The following PCNX1 variants were observed in gnomAD, a reference collection of about 807,000 sequenced individuals.
The protein encoded by PCNX1 is pecanex-like protein 1.
Under a neutral mutation model 242.2 loss-of-function variants are expected in PCNX1, and 78 were observed. The observed-to-expected ratio is 0.32, with a 90% CI of 0.27 to 0.39. The LOEUF (loss-of-function observed/expected upper bound fraction) is 0.39, where lower values mean the gene tolerates loss of function less well. Ranked by LOEUF, PCNX1 falls within the 10% of genes least tolerant of loss-of-function variation. PCNX1 has a pLI of 1.00. For missense variants in PCNX1, 2,581 were observed against 2,856.5 expected (o/e 0.90, Z 2.20); for synonymous variants, 1,024 against 1,032.9 (o/e 0.99, Z 0.17).
At chr14:70,994,487 AGTTT>A (rs1388905996) in intron 7 of PCNX1, among the ~76,000 whole-genome samples, 1 of 145,008 alleles carries the variant, frequency 6.9e-6, no homozygotes, top group Non-Finnish European at 1.5e-5. Context: ...GCAATACATG[AGTTT>A]GTTTTATGTG....
chr14:70,932,469 A>G (rs2056839211), intron 1 of PCNX1, among the ~76,000 whole-genome samples: 1 of 152,080 alleles, frequency 6.6e-6, no homozygotes, highest in African/African-American at 2.4e-5. Context: ...CACAGGCTTC[A>G]TGTTTGTATC....
chr14:70,912,647 T>G (rs1378076844), intron 1 of PCNX1, among the ~76,000 whole-genome samples: 1 of 151,992 alleles, frequency 6.6e-6, no homozygotes, highest in African/African-American at 2.4e-5. Context: ...GAGCAAATCT[T>G]ACCACTTTCT....
At chr14:71,068,335 A>T (rs1426189113) in intron 26 of PCNX1, among the ~76,000 whole-genome samples, 3 of 151,336 alleles carry the variant, frequency 2.0e-5, no homozygotes, top group East Asian at 1.9e-4. Flanking sequence ...CATCTCAAAA[A>T]ATATATATAT....
At chr14:71,103,782 T>C in intron 32 of PCNX1, 113 bp downstream of exon 32, 1 of 836,622 alleles carries the variant, frequency 1.2e-6, no homozygotes, top group South Asian at 1.7e-5. Flanking sequence ...CATGGTACAA[T>C]ATGAACCCAT....
chr14:70,926,013 C>T lies in PCNX1; in HGVS notation c.153+18010C>T, dbSNP rs562742782. On this transcript the variant is annotated intron_variant, in intron 1 of 35. Coordinates refer to ENST00000304743, the MANE Select transcript of PCNX1 (RefSeq NM_014982.3). ...TCTCCTGATCTTTTTCAGTGTATTC[C>T]GGGATCCAAAACTCAGAGCTGTCCT... 6.6e-5 allele frequency among the ~76,000 whole-genome samples: 10 copies of T among 152,210 alleles called. 1 individual carries two copies. In the East Asian group the frequency reaches 9.6e-4, roughly 15 times the overall value.
At chr14:70,962,075 G>C in intron 2 of PCNX1, 151 bp from the exon 3 acceptor site, 1 of 589,002 alleles carries the variant, frequency 1.7e-6, no homozygotes, top group Non-Finnish European at 3.0e-6. Context: ...AATGAAGAAT[G>C]ATCGTTGTTT....
In PCNX1 at chr14:70,978,112, A is replaced by G. The variant is rs2058735211; in HGVS notation, c.1775A>G (p.His592Arg). 3 of 1,614,180 alleles carry G rather than the reference A, an allele frequency of 1.9e-6. No individual in the cohort carries two copies. The highest frequency in any genetic ancestry group is 1.6e-4 in the Middle Eastern group (1 of 6,062). ...CFRGVSGTKP[H>R]SAIFCHDEDS... ...CGAGGTGTTTCTGGTACCAAGCCAC[A>G]CAGTGCTATATTTTGTCATGACGAA... Residue 592 changes from histidine to arginine, a missense_variant, in exon 6 of 36, where the codon CAC becomes CGC. By Grantham distance (29) the His-to-Arg change is conservative. Around this residue, in one of 9 missense-constraint regions of PCNX1, gnomAD observed 1,204 missense variants for 1,216.7 expected, o/e 0.99. Coordinates refer to ENST00000304743, the MANE Select transcript of PCNX1 (RefSeq NM_014982.3).
chr14:71,103,517 A>G lies in PCNX1; in HGVS notation c.5943A>G (p.Ile1981Met). 1 of 1,614,208 alleles carries G rather than the reference A, an allele frequency of 6.2e-7. No homozygotes were observed. Among genetic ancestry groups the G allele is most frequent in the Non-Finnish European group, 8.5e-7 (1 of 1,180,018 alleles). Residue 1981 changes from isoleucine (I) to methionine (M), a missense_variant, in exon 32 of 36, where the codon ATA becomes ATG. This residue lies in a region of PCNX1 where 298 missense variants were observed against 480.1 expected (regional missense o/e 0.62). Transcript: ENST00000304743. Reference protein sequence around the residue: ...QNAKQALRNMINSSCDQPIGY... With the variant: ...QNAKQALRNMMNSSCDQPIGY... ...CAAAGCAAGCCCTGAGAAACATGAT[A>G]AACTCATCTTGTGATCAACCTATTG...
At chr14:70,949,282 T>TACACACACGTGTATGCACACGTGTATAC (rs1555345924) in intron 2 of PCNX1, among the ~76,000 whole-genome samples, 2 of 48,268 alleles carry the variant, frequency 4.1e-5, no homozygotes, top group Admixed American at 1.6e-4. Context: ...CACACGTGTA[T>TACACACACGTGTATGCACACGTGTATAC]ACACACACGT....
chr14:71,086,651 T>C (rs771878072), intron 28 of PCNX1, among the ~76,000 whole-genome samples: 5 of 152,232 alleles, frequency 3.3e-5, no homozygotes, highest in Non-Finnish European at 7.3e-5. Context: ...TTTCTCAGCC[T>C]AGGGTCCTCT....
chr14:71,015,120 A>G (rs748333935), intron 11 of PCNX1, among the ~76,000 whole-genome samples: 7 of 152,176 alleles, frequency 4.6e-5, no homozygotes, highest in Non-Finnish European at 7.3e-5. Context: ...TTAAAAACCA[A>G]AGTGAAATAA....
In PCNX1 at chr14:71,047,118, G is replaced by C. The variant is rs1407541495; in HGVS notation, c.4160+13G>C. 1 of 1,522,452 alleles carries C rather than the reference G, an allele frequency of 6.6e-7. No individual in the cohort carries two copies. The allele number at this position is 1,522,452 out of a possible 1,614,324, so 94.3% of individuals were successfully genotyped here. A position where few individuals can be genotyped will look rare whatever the true frequency, so the allele number is the denominator to read the frequency against. On this transcript the variant is annotated intron_variant, in intron 21 of 35. Transcript: ENST00000304743. Reference sequence around the variant, plus strand: ...AACTGAATACAGAGTAAGTATAGTAGTCTTCTAATATTGTCTGACTACTGG... The same window carrying C: ...AACTGAATACAGAGTAAGTATAGTACTCTTCTAATATTGTCTGACTACTGG...
At chr14:71,098,172 A>G (rs528876807) in intron 30 of PCNX1, among the ~76,000 whole-genome samples, 2 of 152,128 alleles carry the variant, frequency 1.3e-5, no homozygotes, top group African/African-American at 4.8e-5. Flanking sequence ...GTACCGTGCT[A>G]TTTTGGTCAC....
chr14:71,033,224 A>G (rs1321420990), intron 16 of PCNX1, among the ~76,000 whole-genome samples: 13 of 152,250 alleles, frequency 8.5e-5, no homozygotes, highest in Non-Finnish European at 1.8e-4. Flanking sequence ...TAGCTTTAGT[A>G]CCAAAGACAT....
At chr14:71,086,706 CCT>C (rs2062000530) in intron 28 of PCNX1, among the ~76,000 whole-genome samples, 1 of 152,190 alleles carries the variant, frequency 6.6e-6, no homozygotes, top group Non-Finnish European at 1.5e-5. Flanking sequence ...CCCTCGCCTC[CCT>C]CTCTCAGTAG....
intron 1 of PCNX1, among the ~76,000 whole-genome samples, chr14:70,921,930 G>A (rs1253083513): frequency 1.3e-5 from 2 of 152,110 alleles, no homozygotes; most frequent in African/African-American, 4.8e-5. Flanking sequence ...ATTTGGAGGG[G>A]GAGTTGTTTT....
intron 15 of PCNX1, among the ~76,000 whole-genome samples, chr14:71,027,779 AGG>A (rs2060276822): frequency 6.6e-6 from 1 of 151,900 alleles, no homozygotes; most frequent in Admixed American, 6.6e-5. Flanking sequence ...AATTTTTTGA[AGG>A]GGTATGAATT....
intron 8 of PCNX1, 59 bp from the exon 9 acceptor site, chr14:71,009,575 C>T (rs2059764106): frequency 3.0e-6 from 3 of 996,186 alleles, no homozygotes; most frequent in Admixed American, 2.3e-5. Context: ...TTTAGTATAT[C>T]ATGAAGGAAA....
chr14:71,015,286 C>G (rs535183010), intron 11 of PCNX1, among the ~76,000 whole-genome samples: 1 of 152,112 alleles, frequency 6.6e-6, no homozygotes, highest in African/African-American at 2.4e-5. Flanking sequence ...AATGGTAAGT[C>G]ACTATATGGA....
Sources: allele counts gnomAD v4.1 joint callset (sites outside exome capture counted in the v4.1 genomes callset), GRCh38; gene constraint gnomAD v4.1.1; regional missense constraint gnomAD v4.1.1; transcripts MANE v1.5; gene names NCBI Gene and HGNC (gene_info 2026-07-23, HGNC 2026-07-21).